The following GPHN variants were observed in gnomAD, a reference collection of about 807,000 sequenced individuals.
GPHN encodes gephyrin.
In GPHN, 17 loss-of-function variants were observed where a neutral mutation model predicts 95.5. The ratio of observed to expected loss-of-function variants is 0.18; its 90% CI spans 0.12 to 0.27. GPHN has a LOEUF of 0.27. Among genes scored for constraint, GPHN ranks in the 10% least tolerant of loss-of-function variants. The pLI, the probability that GPHN is intolerant of heterozygous loss-of-function variation, is 1.00. For missense variants in GPHN, 660 were observed against 978.1 expected, an observed-to-expected ratio of 0.67 and a Z score of 4.34; for synonymous variants, 320 against 322.5, an observed-to-expected ratio of 0.99 and a Z score of 0.08.
the GPHN span, among the ~76,000 whole-genome samples, chr14:67,439,358 T>C: frequency 6.6e-6 from 1 of 152,188 alleles, no homozygotes; most frequent in Non-Finnish European, 1.5e-5. Context: ...GAAGATTTTC[T>C]TTAGTGCAGT....
the GPHN span, chr14:67,388,338 A>G: frequency 7.3e-7 from 1 of 1,363,022 alleles, no homozygotes; most frequent in Non-Finnish European, 1.1e-6. Context: ...GGAATTTGTG[A>G]ATGAACAAAA....
intron 5 of GPHN, among the ~76,000 whole-genome samples, chr14:66,891,076 G>T (rs1312503789): frequency 6.6e-6 from 1 of 151,744 alleles, no homozygotes; most frequent in Admixed American, 6.6e-5. Context: ...GGAACTTCTA[G>T]CCAGAACACT....
At chr14:67,642,224 C>G in the GPHN span, 2 of 1,614,104 alleles carry the variant, frequency 1.2e-6, no homozygotes, top group Middle Eastern at 1.6e-4. Flanking sequence ...GAGTTTTACT[C>G]CAGTCCCCAA....
the GPHN span, among the ~76,000 whole-genome samples, chr14:67,287,302 CTTAGTT>C: frequency 7.0e-6 from 1 of 143,508 alleles, no homozygotes; most frequent in Admixed American, 7.1e-5. Flanking sequence ...TTTACATTTC[CTTAGTT>C]TTTTTTTTCC....
the GPHN span, among the ~76,000 whole-genome samples, chr14:67,665,542 C>T: frequency 6.6e-6 from 1 of 152,106 alleles, no homozygotes; most frequent in Non-Finnish European, 1.5e-5. Flanking sequence ...GTTGGGACTA[C>T]AGGTGTGAGC....
intron 10 of GPHN, among the ~76,000 whole-genome samples, chr14:67,051,843 T>G (rs1433613376): frequency 1.3e-5 from 2 of 152,156 alleles, no homozygotes; most frequent in Non-Finnish European, 2.9e-5. Flanking sequence ...ACCCAGAATT[T>G]CATAACCAGC....
chr14:67,578,484 G>T, the GPHN span: 1 of 1,230,150 alleles, frequency 8.1e-7, no homozygotes, highest in Non-Finnish European at 1.2e-6. The surrounding 1 kb of genome is among the most constrained non-coding windows in gnomAD (Gnocchi z 5.0). Context: ...ATGAGGACAG[G>T]TGGTGCTGTA....
At chr14:67,459,789 T>TGGAA in the GPHN span, among the ~76,000 whole-genome samples, 1 of 152,204 alleles carries the variant, frequency 6.6e-6, no homozygotes. Context: ...TTGAAGTGCC[T>TGGAA]GGAAAGACAA....
At chr14:67,326,831 G>C in the GPHN span, among the ~76,000 whole-genome samples, 1 of 152,192 alleles carries the variant, frequency 6.6e-6, no homozygotes, top group South Asian at 2.1e-4. Flanking sequence ...AATATACTAT[G>C]ATATTAATAT....
chr14:67,627,525 T>G, the GPHN span, among the ~76,000 whole-genome samples: 3 of 152,104 alleles, frequency 2.0e-5, no homozygotes, highest in Non-Finnish European at 2.9e-5. Context: ...TGTCATATCT[T>G]TGGGACAAGA....
At chr14:67,619,730 G>A in the GPHN span, 59 of 453,596 alleles carry the variant, frequency 1.3e-4, no homozygotes, top group Non-Finnish European at 2.2e-4. Context: ...TGGCCGGAGA[G>A]CACAGGCCAG....
chr14:67,523,597 G>T, the GPHN span, among the ~76,000 whole-genome samples: 1 of 152,200 alleles, frequency 6.6e-6, no homozygotes, highest in Non-Finnish European at 1.5e-5. Flanking sequence ...AGGAAGATGT[G>T]CGATTATTTG....
At chr14:67,340,980 A>G in the GPHN span, among the ~76,000 whole-genome samples, 1 of 152,282 alleles carries the variant, frequency 6.6e-6, no homozygotes, top group East Asian at 1.9e-4. Flanking sequence ...TCAGTGCTCA[A>G]TGGTGCCCAG....
At chr14:66,583,503 G>T (rs1281079632) in intron 1 of GPHN, among the ~76,000 whole-genome samples, 1 of 152,076 alleles carries the variant, frequency 6.6e-6, no homozygotes, top group Admixed American at 6.5e-5. Flanking sequence ...TTTTTCTAGG[G>T]TTTTTACGGT....
At chr14:67,059,603 C>A (rs2153649870) in intron 11 of GPHN, among the ~76,000 whole-genome samples, 1 of 152,272 alleles carries the variant, frequency 6.6e-6, no homozygotes, top group Middle Eastern at 3.4e-3. Context: ...GAAACTCAAA[C>A]TCAGAATAGC....
chr14:67,513,438 C>A, the GPHN span, among the ~76,000 whole-genome samples: 2 of 152,200 alleles, frequency 1.3e-5, no homozygotes, highest in South Asian at 4.1e-4. Context: ...TCCTGCTACT[C>A]CTTATTGGTC....
At chr14:67,604,410 G>C in the GPHN span, among the ~76,000 whole-genome samples, 1 of 152,144 alleles carries the variant, frequency 6.6e-6, no homozygotes, top group Admixed American at 6.5e-5. Context: ...AGCTTTGCCT[G>C]TCTTGCGGGC....
the GPHN span, chr14:67,588,539 C>A: frequency 6.6e-6 from 1 of 152,088 alleles, no homozygotes; most frequent in Admixed American, 6.6e-5. Context: ...TAATCCCCCT[C>A]AATTCAGACC....
the GPHN span, chr14:67,706,177 C>T: frequency 0.45 from 68,197 of 152,120 alleles, 17,850 homozygotes; most frequent in Non-Finnish European, 0.61. Flanking sequence ...AAAATACAGG[C>T]GCTGATCAGT....
Sources: gnomAD v4.1 joint callset for allele counts (sites outside exome capture counted in the v4.1 genomes callset) on GRCh38, gnomAD v4.1.1 for gene constraint, Gnocchi (gnomAD v3.1) non-coding constraint, MANE v1.5 for transcripts, NCBI Gene and HGNC (gene_info 2026-07-23, HGNC 2026-07-21) for gene names.